Variants in CSMD1 observed in about 807,000 individuals in gnomAD.
The protein encoded by CSMD1 is CUB and Sushi multiple domains 1, also known as CUB and sushi domain-containing protein 1.
Under a neutral mutation model 417.5 loss-of-function variants are expected in CSMD1, and 213 were observed. The ratio of observed to expected loss-of-function variants is 0.51; its 90% CI spans 0.46 to 0.57. The LOEUF (loss-of-function observed/expected upper bound fraction) is 0.57. Ranked by LOEUF, CSMD1 falls within the 20% of genes least tolerant of loss-of-function variation. CSMD1 has a pLI of 0.00. For synonymous variants in CSMD1, 2,862 were observed against 1,736.8 expected (o/e 1.65, Z -16.11); for missense variants, 6,923 against 4,529.7 (o/e 1.53, Z -15.17).
intron 3 of CSMD1, among the ~76,000 whole-genome samples, chr8:4,150,157 T>G (rs565085635): frequency 6.6e-6 from 1 of 152,198 alleles, no homozygotes; most frequent in Non-Finnish European, 1.5e-5. Flanking sequence ...ATCTTGAGGA[T>G]AGACAAAATC....
Position 2,938,094 on chromosome 8 carries a change from T to G in CSMD1, c.*491A>C, listed in dbSNP as rs1488878998. The G allele has an allele frequency of 6.5e-6, 1 of 152,812 alleles. No individual in the cohort carries two copies. Among genetic ancestry groups the G allele is most frequent in the Non-Finnish European group, 1.5e-5 (1 of 68,360 alleles). 9.5% of individuals were successfully genotyped at this position (152,812 alleles called of 1,614,324 possible). A position where few individuals can be genotyped will look rare whatever the true frequency, so the allele number is the denominator to read the frequency against. On this transcript the variant is annotated 3_prime_UTR_variant, in exon 70 of 70. Coordinates refer to ENST00000635120, the MANE Select transcript of CSMD1 (RefSeq NM_033225.6). The stretch of plus-strand genomic sequence containing the variant: ...TAGGTGTGAGCCTCTATCAGAAAGG[T>G]GTCTTCTTCCAGAAAGCTTTTTATT...
intron 10 of CSMD1, among the ~76,000 whole-genome samples, chr8:3,562,776 A>C (rs940482912): frequency 6.7e-6 from 1 of 150,114 alleles, no homozygotes; most frequent in Non-Finnish European, 1.5e-5. Context: ...TGGAGGGTGG[A>C]GGGTGGGAGG....
chr8:4,798,149 C>T (rs1319516091), intron 1 of CSMD1, among the ~76,000 whole-genome samples: 2 of 152,180 alleles, frequency 1.3e-5, no homozygotes, highest in African/African-American at 2.4e-5. Flanking sequence ...TCTCCTAATG[C>T]TATCCCTCCC....
At chr8:4,277,632 G>A (rs181962899) in intron 3 of CSMD1, among the ~76,000 whole-genome samples, 2 of 152,076 alleles carry the variant, frequency 1.3e-5, no homozygotes, top group Non-Finnish European at 2.9e-5. Flanking sequence ...TTTCTCACAA[G>A]GATATGCAGA....
At chr8:3,621,678 C>A (rs924997789) in intron 7 of CSMD1, among the ~76,000 whole-genome samples, 1 of 151,928 alleles carries the variant, frequency 6.6e-6, no homozygotes, top group African/African-American at 2.4e-5. Flanking sequence ...CTGCAGCCTT[C>A]GTCTTCCATG....
At chr8:4,843,045 T>G (rs74522993) in intron 1 of CSMD1, among the ~76,000 whole-genome samples, 2,894 of 152,250 alleles carry the variant, frequency 0.019, 85 homozygotes, top group African/African-American at 0.066. Flanking sequence ...GAAGTCAAAA[T>G]AAGAGATGCT....
At chr8:3,027,017 A>G (rs933350352) in intron 51 of CSMD1, among the ~76,000 whole-genome samples, 2 of 152,198 alleles carry the variant, frequency 1.3e-5, no homozygotes, top group Non-Finnish European at 2.9e-5. Context: ...CCCAATTTAA[A>G]CAAAAAGTCA....
At chr8:3,137,359 T>C (rs561813229) in intron 41 of CSMD1, among the ~76,000 whole-genome samples, 14 of 152,342 alleles carry the variant, frequency 9.2e-5, no homozygotes, top group African/African-American at 3.1e-4. Flanking sequence ...AAAATGTATA[T>C]GCAGCACGGC....
At chr8:3,923,773 C>A (rs1332839807) in intron 5 of CSMD1, among the ~76,000 whole-genome samples, 1 of 152,172 alleles carries the variant, frequency 6.6e-6, no homozygotes, top group Non-Finnish European at 1.5e-5. Flanking sequence ...CTCATTTTCA[C>A]CTTTTCACCA....
At chr8:4,466,908 G>A (rs186319490) in intron 2 of CSMD1, among the ~76,000 whole-genome samples, 1 of 151,902 alleles carries the variant, frequency 6.6e-6, no homozygotes, top group Non-Finnish European at 1.5e-5. Context: ...AAATTTTACA[G>A]TGTGTTTTTA....
intron 3 of CSMD1, among the ~76,000 whole-genome samples, chr8:4,254,375 A>G (rs1057404673): frequency 6.6e-6 from 1 of 152,214 alleles, no homozygotes; most frequent in East Asian, 1.9e-4. Context: ...AATGGGCTGC[A>G]TGACGATGTC....
chr8:3,703,297 T>C (rs2090905421), intron 7 of CSMD1, among the ~76,000 whole-genome samples: 1 of 152,064 alleles, frequency 6.6e-6, no homozygotes, highest in Non-Finnish European at 1.5e-5. Flanking sequence ...TTGTGGAGGG[T>C]TGAAAGCAAG....
intron 3 of CSMD1, among the ~76,000 whole-genome samples, chr8:4,152,702 A>T (rs1012578964): frequency 6.6e-6 from 1 of 152,138 alleles, no homozygotes; most frequent in African/African-American, 2.4e-5. Context: ...AAAAGAAAAA[A>T]AAAATCCTTT....
At chr8:4,849,363 A>C (rs1319439545) in intron 1 of CSMD1, among the ~76,000 whole-genome samples, 2 of 152,104 alleles carry the variant, frequency 1.3e-5, no homozygotes. Context: ...TAATAAACTG[A>C]AGTTAATTTT....
At chr8:4,236,737 T>A (rs1802089497) in intron 3 of CSMD1, among the ~76,000 whole-genome samples, 1 of 152,202 alleles carries the variant, frequency 6.6e-6, no homozygotes. Context: ...CTTCGAAGAC[T>A]GCTGGATTAA....
chr8:4,332,333 C>T (rs975248830), intron 3 of CSMD1, among the ~76,000 whole-genome samples: 4 of 152,032 alleles, frequency 2.6e-5, no homozygotes, highest in Non-Finnish European at 5.9e-5. Context: ...ATGAGGATCA[C>T]CAAAACGCTG....
chr8:3,946,636 A>G (rs1051283999), intron 5 of CSMD1, among the ~76,000 whole-genome samples: 4 of 152,150 alleles, frequency 2.6e-5, no homozygotes, highest in Non-Finnish European at 5.9e-5. Context: ...CAGACCATCT[A>G]CAGATGAATA....
At chr8:4,108,643 A>C (rs1158037024) in intron 3 of CSMD1, among the ~76,000 whole-genome samples, 1 of 152,226 alleles carries the variant, frequency 6.6e-6, no homozygotes, top group Non-Finnish European at 1.5e-5. Context: ...GCCTTTTGAA[A>C]TGCCACCTGA....
At position 4,751,394 on chromosome 8, in the gene CSMD1, G is replaced by GT. The variant is rs559320887; in HGVS notation, c.86-113837_86-113836insA. ...CGACAGAGCAAGACTCTGTCTCAGG[G>GT]GGGGTGGCGGGGCAGGAAAAGAGAG... On this transcript the variant is annotated intron_variant, in intron 1 of 69. Transcript: ENST00000635120. 1.5e-4 allele frequency among the ~76,000 whole-genome samples: 23 copies of GT among 152,002 alleles called. No individual in the cohort carries two copies. The South Asian group carries it at 1.7e-3, about 11-fold the overall frequency.
Sources: allele counts gnomAD v4.1 joint callset (sites outside exome capture counted in the v4.1 genomes callset), GRCh38; gene constraint gnomAD v4.1.1; transcripts MANE v1.5; gene names NCBI Gene and HGNC (gene_info 2026-07-23, HGNC 2026-07-21).